Variants in TEX14 observed in about 807,000 individuals in gnomAD.
The protein encoded by TEX14 is inactive serine/threonine-protein kinase TEX14.
A neutral mutation model predicts 178.6 loss-of-function variants in TEX14; 168 were observed. The ratio of observed to expected loss-of-function variants is 0.94; its 90% CI spans 0.83 to 1.07. The LOEUF is 1.07. TEX14 is among the 50% of genes least tolerant of loss of function. The pLI is 0.00. For synonymous variants in TEX14, 626 were observed against 634.1 expected, an observed-to-expected ratio of 0.99 and a Z score of 0.19; for missense variants, 1,730 against 1,753.6, an observed-to-expected ratio of 0.99 and a Z score of 0.24.
At position 58,573,324 on chromosome 17, in the gene TEX14, C is replaced by A; in HGVS notation, c.3384-16G>T. On this transcript the variant is annotated splice_polypyrimidine_tract_variant and intron_variant, in intron 22 of 31. Transcript: ENST00000349033. Reference sequence around the variant, plus strand: ...CGTCAATGATCTAAAGAATTAAGAGCACACAGTAATGATGAGAAGATGACT... The same window carrying A: ...CGTCAATGATCTAAAGAATTAAGAGAACACAGTAATGATGAGAAGATGACT... 1 of 1,611,502 alleles carries A rather than the reference C, an allele frequency of 6.2e-7. No individual in the cohort carries two copies.
intron 4 of TEX14, 50 bp downstream of exon 4, chr17:58,622,797 G>C: frequency 6.5e-7 from 1 of 1,548,268 alleles, no homozygotes; most frequent in Non-Finnish European, 8.8e-7. Context: ...CTGACTCTCA[G>C]CCCAGTACTC....
chr17:58,682,779 C>A (rs2047522155), intron 1 of TEX14, among the ~76,000 whole-genome samples: 1 of 152,116 alleles, frequency 6.6e-6, no homozygotes, highest in South Asian at 2.1e-4. Context: ...AATATCTGTT[C>A]AAGGGAGTCA....
chr17:58,659,354 A>C (rs771173380), intron 1 of TEX14: 16 of 982,202 alleles, frequency 1.6e-5, no homozygotes, highest in Non-Finnish European at 1.9e-5. Flanking sequence ...AACACACAAC[A>C]TACTCATGGC....
Position 58,599,361 on chromosome 17 carries a change from C to A in TEX14, c.1984G>T (p.Glu662Ter). Residue 662 changes from glutamate to a stop codon, truncating the protein, a stop_gained, in exon 14 of 32, where the codon GAA (glutamate) becomes TAA (stop). Transcript: ENST00000349033. LOFTEE classifies it high-confidence loss of function. ...NQVDELKSMEEELDKMEREAC... is the reference protein window; with the variant it reads ...NQVDELKSME ...TCTCTCTCCATCTTATCCAGCTCTT[C>A]TTCCATGGATTTCAGTTCATCTACC... is the stretch of plus-strand genomic sequence containing the variant. The A allele has an allele frequency of 1.9e-6, 3 of 1,614,160 alleles. 1 individual carries two copies. Among genetic ancestry groups the A allele is most frequent in the South Asian group, 1.1e-5 (1 of 91,080 alleles).
Position 58,602,711 on chromosome 17 carries a change from T to C in TEX14, c.1337-121A>G. The C allele has an allele frequency of 8.7e-6, 6 of 689,278 alleles. No homozygotes were observed. The South Asian group carries it at 1.3e-4, about 15-fold the overall frequency. 42.7% of individuals were successfully genotyped at this position (689,278 alleles called of 1,614,324 possible). On this transcript the variant is annotated intron_variant, in intron 11 of 31. Transcript: ENST00000349033. ...GTCACTTAACTTCTTTATTTTTTTTTCTAATCCACTGTACTTTAGAAACAA... is the reference window on the plus strand; with the variant it reads ...GTCACTTAACTTCTTTATTTTTTTTCCTAATCCACTGTACTTTAGAAACAA...
intron 1 of TEX14, among the ~76,000 whole-genome samples, chr17:58,654,411 T>C (rs2046904985): frequency 6.6e-6 from 1 of 151,712 alleles, no homozygotes; most frequent in Non-Finnish European, 1.5e-5. Flanking sequence ...TAGATATAGA[T>C]TGAATGAAAC....
intron 30 of TEX14, 131 bp downstream of exon 30, chr17:58,559,322 C>A (rs1400894751): frequency 7.1e-6 from 4 of 565,614 alleles, no homozygotes; most frequent in Non-Finnish European, 1.3e-5. Context: ...CTGAGCTGAA[C>A]TGCAGAGAAA....
At chr17:58,652,110 G>A (rs2046851797) in intron 1 of TEX14, 108 bp from the exon 2 acceptor site, 1 of 779,420 alleles carries the variant, frequency 1.3e-6, no homozygotes, top group Admixed American at 3.6e-5. Context: ...CATTAATAAT[G>A]AAGATTAGGG....
chr17:58,585,154 T>C (rs2044923151), intron 18 of TEX14, among the ~76,000 whole-genome samples: 1 of 152,198 alleles, frequency 6.6e-6, no homozygotes, highest in Non-Finnish European at 1.5e-5. Flanking sequence ...ACATGGGCAG[T>C]AGGCAGTGAT....
intron 1 of TEX14, among the ~76,000 whole-genome samples, chr17:58,682,786 G>C (rs1213106050): frequency 2.0e-5 from 3 of 152,142 alleles, no homozygotes; most frequent in African/African-American, 7.2e-5. Context: ...GTTCAAGGGA[G>C]TCAGCCTTAG....
intron 21 of TEX14, among the ~76,000 whole-genome samples, chr17:58,575,409 C>T (rs897302362): frequency 4.6e-5 from 7 of 152,170 alleles, no homozygotes; most frequent in Admixed American, 1.3e-4. Flanking sequence ...AGCCACTGTG[C>T]CTGTCCTTCA....
At chr17:58,626,084 C>T (rs144447745) in intron 3 of TEX14, among the ~76,000 whole-genome samples, 18 of 152,164 alleles carry the variant, frequency 1.2e-4, no homozygotes, top group Admixed American at 2.6e-4. Flanking sequence ...CTGGGATTTC[C>T]GGCTCTTGGA....
At chr17:58,640,138 C>T (rs1294698691) in intron 2 of TEX14, among the ~76,000 whole-genome samples, 1 of 151,946 alleles carries the variant, frequency 6.6e-6, no homozygotes, top group African/African-American at 2.4e-5. Context: ...TGGTGAAACC[C>T]TGTCTCTACT....
intron 1 of TEX14, among the ~76,000 whole-genome samples, chr17:58,667,891 T>TAAA (rs1205836185): frequency 1.9e-5 from 2 of 102,802 alleles, no homozygotes; most frequent in Non-Finnish European, 2.1e-5. Flanking sequence ...AGACTCTGGC[T>TAAA]AAAAAAAAAA....
intron 26 of TEX14, among the ~76,000 whole-genome samples, chr17:58,567,289 G>T (rs1272679542): frequency 2.0e-5 from 3 of 152,168 alleles, no homozygotes; most frequent in East Asian, 1.9e-4. Flanking sequence ...AGCAAAGCAA[G>T]TTGGGAGGCA....
intron 2 of TEX14, chr17:58,631,613 T>TA (rs1185477564): frequency 2.1e-4 from 31 of 146,496 alleles, no homozygotes; most frequent in Non-Finnish European, 4.1e-4. Context: ...CAACTACTAT[T>TA]AACATCTGAA....
chr17:58,580,322 T>C (rs969436543), intron 19 of TEX14, among the ~76,000 whole-genome samples: 1 of 152,144 alleles, frequency 6.6e-6, no homozygotes, highest in African/African-American at 2.4e-5. Flanking sequence ...TATATATATA[T>C]ATTTTTTGAG....
At chr17:58,691,182 T>G (rs900626529) in intron 1 of TEX14, among the ~76,000 whole-genome samples, 1 of 152,156 alleles carries the variant, frequency 6.6e-6, no homozygotes, top group Non-Finnish European at 1.5e-5. Context: ...TCAGAATTGA[T>G]ATTAAACTAT....
chr17:58,648,442 C>G (rs1386686006), intron 2 of TEX14, among the ~76,000 whole-genome samples: 1 of 152,186 alleles, frequency 6.6e-6, no homozygotes, highest in African/African-American at 2.4e-5. Context: ...TGACTAATTA[C>G]TGCTAGCCTC....
Sources: allele counts gnomAD v4.1 joint callset (sites outside exome capture counted in the v4.1 genomes callset), GRCh38; gene constraint gnomAD v4.1.1; transcripts MANE v1.5; gene names NCBI Gene and HGNC (gene_info 2026-07-23, HGNC 2026-07-21).